Variants in ARID4A observed in about 807,000 individuals in gnomAD.
ARID4A encodes the protein AT-rich interaction domain 4A.
Under a neutral mutation model 148.6 loss-of-function variants are expected in ARID4A, and 39 were observed. The ratio of observed to expected loss-of-function variants is 0.26; its 90% CI spans 0.20 to 0.34. The LOEUF is 0.34. ARID4A is among the 10% of genes least tolerant of loss of function. The probability of loss-of-function intolerance (pLI) is 1.00; values close to 1 mark genes in which losing one functional copy is unlikely to be tolerated. For missense variants in ARID4A, 1,265 were observed against 1,449.1 expected, an observed-to-expected ratio of 0.87 and a Z score of 2.06; for synonymous variants, 475 against 481.2, an observed-to-expected ratio of 0.99 and a Z score of 0.17.
chr14:58,324,859 T>C (rs1014736972), intron 8 of ARID4A, among the ~76,000 whole-genome samples: 2 of 152,170 alleles, frequency 1.3e-5, no homozygotes, highest in African/African-American at 2.4e-5. Flanking sequence ...TGTTCTAAGC[T>C]CCTTAGAAGA....
In ARID4A at chr14:58,347,859, T is replaced by C. The variant is rs35128078; in HGVS notation, c.1385T>C (p.Ile462Thr). ...AACAGTGAAAGTGAAAGAGAAGAGATAGAATTAAAATCTCCGAGGGTGAGT... is the reference window on the plus strand; with the variant it reads ...AACAGTGAAAGTGAAAGAGAAGAGACAGAATTAAAATCTCCGAGGGTGAGT... The part of the protein sequence containing the change: ...DSNSESEREE[I>T]ELKSPRGRRR... Residue 462 changes from isoleucine to threonine, a missense_variant, in exon 15 of 24, where the codon ATA becomes ACA. This residue lies in a region of ARID4A where 205 missense variants were observed against 196.9 expected (regional missense o/e 1.04). Transcript: ENST00000355431. 2 of 1,611,412 alleles carry C rather than the reference T, an allele frequency of 1.2e-6. No homozygotes were observed. Among genetic ancestry groups the C allele is most frequent in the East Asian group, 2.2e-5 (1 of 44,810 alleles).
intron 19 of ARID4A, among the ~76,000 whole-genome samples, chr14:58,362,698 C>G (rs2035187262): frequency 6.6e-6 from 1 of 151,876 alleles, no homozygotes; most frequent in Non-Finnish European, 1.5e-5. Flanking sequence ...GCTGGGACCA[C>G]AGGTGTGCAC....
intron 12 of ARID4A, among the ~76,000 whole-genome samples, chr14:58,345,297 T>C (rs2034306249): frequency 6.6e-6 from 1 of 152,222 alleles, no homozygotes; most frequent in Non-Finnish European, 1.5e-5. Context: ...TTTGATACAA[T>C]TTAGTTTTCC....
At chr14:58,338,904 C>T (rs185131416) in intron 11 of ARID4A, among the ~76,000 whole-genome samples, 117 of 138,622 alleles carry the variant, frequency 8.4e-4, no homozygotes, top group African/African-American at 3.0e-3. Context: ...CTGGAGTACA[C>T]CGCCCCACCC....
chr14:58,315,098 G>A (rs1304618488), intron 5 of ARID4A, among the ~76,000 whole-genome samples: 1 of 152,158 alleles, frequency 6.6e-6, no homozygotes, highest in African/African-American at 2.4e-5. Context: ...CAGCCTGGGT[G>A]ACAGAATGAG....
At chr14:58,331,981 A>T (rs2033544939) in intron 11 of ARID4A, among the ~76,000 whole-genome samples, 1 of 145,600 alleles carries the variant, frequency 6.9e-6, no homozygotes, top group African/African-American at 2.5e-5. Flanking sequence ...TCCGTTCCAG[A>T]ATGCATTTTC....
In ARID4A at chr14:58,328,221, T is replaced by G. The variant is rs767806287; in HGVS notation, c.583-16T>G. 6.5e-7 allele frequency: 1 copy of G among 1,538,788 alleles called. No individual in the cohort carries two copies. The highest frequency in any genetic ancestry group is 1.1e-5 in the South Asian group (1 of 89,114). On this transcript the variant is annotated splice_polypyrimidine_tract_variant and intron_variant, in intron 8 of 23. Coordinates refer to ENST00000355431, the MANE Select transcript of ARID4A (RefSeq NM_002892.4). ...ACAGGAAATAGGAATCAATCTGTTCTTATTTTATATTTCAGGTAATATCTC... is the reference window on the plus strand; with the variant it reads ...ACAGGAAATAGGAATCAATCTGTTCGTATTTTATATTTCAGGTAATATCTC...
chr14:58,323,652 T>C, intron 8 of ARID4A, 35 bp downstream of exon 8: 1 of 1,541,988 alleles, frequency 6.5e-7, no homozygotes, highest in South Asian at 1.2e-5. Context: ...TAATCAGCCG[T>C]CTAAATATTT....
At chr14:58,337,096 T>C (rs1356555176) in intron 11 of ARID4A, among the ~76,000 whole-genome samples, 3 of 150,740 alleles carry the variant, frequency 2.0e-5, no homozygotes, top group Non-Finnish European at 4.4e-5. Context: ...TTCACCATGT[T>C]GGCCAGGCTG....
At chr14:58,370,087 A>G (rs753153299) in intron 23 of ARID4A, 2 of 152,226 alleles carry the variant, frequency 1.3e-5, no homozygotes, top group East Asian at 1.9e-4. Flanking sequence ...ATTCCTAGAA[A>G]TAGGAACAGG....
intron 7 of ARID4A, among the ~76,000 whole-genome samples, chr14:58,319,521 CTTT>C (rs71107934): frequency 1.6e-5 from 1 of 62,090 alleles, no homozygotes; most frequent in Non-Finnish European, 2.9e-5. Context: ...TCTATATACT[CTTT>C]TTTTTTTTTT....
At chr14:58,310,111 A>AT (rs2031908678) in intron 5 of ARID4A, among the ~76,000 whole-genome samples, 1 of 152,170 alleles carries the variant, frequency 6.6e-6, no homozygotes, top group Non-Finnish European at 1.5e-5. Flanking sequence ...GCTTTAACTC[A>AT]TTTTTTAAAT....
intron 11 of ARID4A, among the ~76,000 whole-genome samples, 175 bp from the exon 12 acceptor site, chr14:58,344,520 A>G (rs547687057): frequency 6.6e-6 from 1 of 152,216 alleles, no homozygotes; most frequent in South Asian, 2.1e-4. Flanking sequence ...AAGGGTAGAC[A>G]TTGTATATCT....
At chr14:58,299,953 A>G (rs1308806076) in intron 2 of ARID4A, 93 bp downstream of exon 2, 2 of 1,556,258 alleles carry the variant, frequency 1.3e-6, no homozygotes, top group Admixed American at 1.7e-5. Context: ...TTGCTACTCA[A>G]AATTGATGTT....
At chr14:58,342,420 C>T (rs1002611014) in intron 11 of ARID4A, among the ~76,000 whole-genome samples, 1 of 152,096 alleles carries the variant, frequency 6.6e-6, no homozygotes, top group Non-Finnish European at 1.5e-5. Flanking sequence ...AAAAAATACA[C>T]ATAAATCAAA....
chr14:58,366,776 A>C (rs1464165348), intron 22 of ARID4A, 107 bp from the exon 23 acceptor site: 1 of 870,168 alleles, frequency 1.1e-6, no homozygotes, highest in Non-Finnish European at 1.7e-6. Context: ...AGATTTTAAT[A>C]AACTAAAGCT....
Position 58,299,883 on chromosome 14 carries a change from C to G in ARID4A, c.6+23C>G, listed in dbSNP as rs762677188. ...AAGGTAAGTGGAGTCAACTCTGCCC[C>G]GATCCTCGCGCCCTGAACACTGCCA... On this transcript the variant is annotated intron_variant, in intron 2 of 23. Transcript: ENST00000355431. 2.5e-6 allele frequency: 4 copies of G among 1,614,172 alleles called. 1 individual carries two copies. The highest frequency in any genetic ancestry group is 3.3e-4 in the Middle Eastern group (2 of 6,062).
At chr14:58,313,875 G>T (rs1459066658) in intron 5 of ARID4A, among the ~76,000 whole-genome samples, 2 of 152,072 alleles carry the variant, frequency 1.3e-5, no homozygotes, top group African/African-American at 4.8e-5. Flanking sequence ...TTTTTGTTCT[G>T]TCTGGGCCTC....
intron 23 of ARID4A, among the ~76,000 whole-genome samples, chr14:58,371,414 T>C (rs910299241): frequency 3.3e-5 from 5 of 152,198 alleles, no homozygotes; most frequent in African/African-American, 4.8e-5. Flanking sequence ...TTAAAACCAT[T>C]TGAGGACTTT....
Sources: gnomAD v4.1 joint callset for allele counts (sites outside exome capture counted in the v4.1 genomes callset) on GRCh38, gnomAD v4.1.1 for gene constraint, gnomAD v4.1.1 regional missense constraint, MANE v1.5 for transcripts, NCBI Gene and HGNC (gene_info 2026-07-23, HGNC 2026-07-21) for gene names.